The following PEMT variants were observed in gnomAD, a reference collection of about 807,000 sequenced individuals.
PEMT encodes the protein phosphatidylethanolamine N-methyltransferase.
Under a neutral mutation model 27.4 loss-of-function variants are expected in PEMT, and 23 were observed. That is an observed-to-expected ratio of 0.84 (90% CI 0.60 to 1.19). PEMT has a LOEUF of 1.19. PEMT is among the 50% of genes most tolerant of loss of function. PEMT has a pLI of 0.00. For missense variants in PEMT, 307 were observed against 310.1 expected (o/e 0.99, Z 0.07); for synonymous variants, 137 against 139.1 (o/e 0.98, Z 0.11).
intron 3 of PEMT, among the ~76,000 whole-genome samples, chr17:17,514,318 C>T (rs1349759097): frequency 5.9e-5 from 9 of 152,386 alleles, no homozygotes; most frequent in Non-Finnish European, 1.0e-4. Context: ...TCCTTCCCTG[C>T]GTATCCCCCC....
chr17:17,566,592 G>A lies in PEMT; in HGVS notation c.204+10328C>T, dbSNP rs555365485. ...CCAGCCATGTCTGCACAGAGCCAGG[G>A]CTCAGGGAAGCCAGGCTGGAAGAGC... On this transcript the variant is annotated intron_variant, in intron 2 of 6. Transcript: ENST00000255389. Among the ~76,000 whole-genome samples the A allele has an allele frequency of 9.1e-4, 139 of 152,356 alleles. 1 individual carries two copies. Among genetic ancestry groups the A allele is most frequent in the Non-Finnish European group, 1.6e-3 (107 of 68,030 alleles).
Position 17,512,726 on chromosome 17 carries a change from T to A in PEMT, c.321-72A>T. On this transcript the variant is annotated intron_variant, in intron 3 of 6. Transcript: ENST00000255389. This position sits in a 1 kb window ranked among gnomAD's most constrained non-coding sequence, Gnocchi z 6.3. ...GTCACAGCCCGGGAGGAGGCCGACC[T>A]CATCTTCTCGCCCTCTCCCCAGGGA... is the stretch of plus-strand genomic sequence containing the variant. 1 of 1,371,750 alleles carries A rather than the reference T, an allele frequency of 7.3e-7. No individual in the cohort carries two copies. The highest frequency in any genetic ancestry group is 2.9e-5 in the Admixed American group (1 of 34,158). The allele number at this position is 1,371,750 out of a possible 1,614,324, so 85.0% of individuals were successfully genotyped here.
chr17:17,521,318 G>A (rs1241708552), intron 3 of PEMT, among the ~76,000 whole-genome samples: 4 of 152,212 alleles, frequency 2.6e-5, no homozygotes, highest in Admixed American at 6.5e-5. Context: ...GGTACTGTGG[G>A]AGGTGAGACC....
intron 2 of PEMT, among the ~76,000 whole-genome samples, chr17:17,525,586 C>G (rs1270805145): frequency 6.6e-6 from 1 of 152,214 alleles, no homozygotes; most frequent in Non-Finnish European, 1.5e-5. Context: ...TGCCTGTCTT[C>G]TAGATTTCCA....
At chr17:17,591,927 C>A (rs1018592730), upstream of PEMT, 1 of 985,444 alleles carries the variant, frequency 1.0e-6, no homozygotes, top group Non-Finnish European at 1.2e-6. Flanking sequence ...CCGCCCAGTG[C>A]CTTTGGTCGC....
chr17:17,586,927 C>T (rs1285362613), intron 1 of PEMT, among the ~76,000 whole-genome samples: 12 of 151,974 alleles, frequency 7.9e-5, no homozygotes, highest in African/African-American at 1.4e-4. Context: ...TGCTTGAACC[C>T]GGGAGACGGA....
At chr17:17,545,225 C>G (rs1019423801) in intron 2 of PEMT, among the ~76,000 whole-genome samples, 12 of 152,188 alleles carry the variant, frequency 7.9e-5, no homozygotes, top group African/African-American at 2.4e-4. Context: ...CCTCACCCGC[C>G]CATGCAGGTC....
intron 2 of PEMT, among the ~76,000 whole-genome samples, chr17:17,562,083 G>A (rs977179719): frequency 2.6e-5 from 4 of 152,210 alleles, no homozygotes; most frequent in East Asian, 3.9e-4. Flanking sequence ...GCTGCAGCTC[G>A]GGGCTGTTTT....
intron 2 of PEMT, among the ~76,000 whole-genome samples, chr17:17,538,644 G>A (rs187822547): frequency 1.3e-5 from 2 of 152,300 alleles, no homozygotes; most frequent in Admixed American, 1.3e-4. Context: ...TAAATAGGGA[G>A]GCTTTCTACT....
chr17:17,553,471 C>T (rs74950281), intron 2 of PEMT, among the ~76,000 whole-genome samples: 2,270 of 152,320 alleles, frequency 0.015, 51 homozygotes, highest in African/African-American at 0.048. Context: ...AGCGGCCACC[C>T]GGGTCTGCTT....
At chr17:17,571,787 C>A (rs1911222102) in intron 2 of PEMT, among the ~76,000 whole-genome samples, 1 of 151,866 alleles carries the variant, frequency 6.6e-6, no homozygotes, top group South Asian at 2.1e-4. Flanking sequence ...CAACTCATGG[C>A]AGCCTCGACC....
intron 5 of PEMT, among the ~76,000 whole-genome samples, chr17:17,506,611 G>A (rs557173036): frequency 9.8e-5 from 15 of 152,362 alleles, no homozygotes; most frequent in Admixed American, 7.8e-4. Flanking sequence ...AGCTGGGAAC[G>A]CAGCCCCAGG....
At chr17:17,510,587 C>T (rs76026053) in intron 4 of PEMT, among the ~76,000 whole-genome samples, 1 of 152,178 alleles carries the variant, frequency 6.6e-6, no homozygotes, top group Non-Finnish European at 1.5e-5. Flanking sequence ...ACAGGGTGTG[C>T]GTAGATGGCA....
intron 1 of PEMT, among the ~76,000 whole-genome samples, chr17:17,587,607 A>C (rs1912383155): frequency 6.6e-6 from 1 of 152,184 alleles, no homozygotes; most frequent in Non-Finnish European, 1.5e-5. Flanking sequence ...CACCGCCTGT[A>C]ATCCCAGCAT....
intron 1 of PEMT, among the ~76,000 whole-genome samples, chr17:17,579,188 G>A (rs1486674566): frequency 6.6e-6 from 1 of 152,212 alleles, no homozygotes; most frequent in African/African-American, 2.4e-5. Context: ...ACAGTCTCCT[G>A]ACATAACTCT....
intron 2 of PEMT, among the ~76,000 whole-genome samples, chr17:17,537,140 GC>G (rs1248108756): frequency 1.3e-5 from 2 of 152,224 alleles, no homozygotes; most frequent in African/African-American, 4.8e-5. Flanking sequence ...GGGTCTCTGA[GC>G]CCTGCTTACA....
In PEMT at chr17:17,582,363, G is replaced by A; in HGVS notation, c.97-5336C>T. ...GTTAACACCCCAAAGCATGGGTAAGGAAGAGGCTTTATGGTAATTTACTCC... is the reference window on the plus strand; with the variant it reads ...GTTAACACCCCAAAGCATGGGTAAGAAAGAGGCTTTATGGTAATTTACTCC... On this transcript the variant is annotated intron_variant, in intron 1 of 6. Coordinates refer to ENST00000255389, the MANE Select transcript of PEMT (RefSeq NM_148172.3). The surrounding 1 kb of genome is among the most constrained non-coding windows in gnomAD (Gnocchi z 4.9). The A allele has an allele frequency of 1.0e-6, 1 of 985,456 alleles. No individual in the cohort carries two copies. The allele number at this position is 985,456 out of a possible 1,614,324, so 61.0% of individuals were successfully genotyped here. A position where few individuals can be genotyped will look rare whatever the true frequency, so the allele number is the denominator to read the frequency against.
chr17:17,586,986 G>C, intron 1 of PEMT, among the ~76,000 whole-genome samples: 1 of 152,032 alleles, frequency 6.6e-6, no homozygotes, highest in Non-Finnish European at 1.5e-5. Context: ...CTGGGCAACA[G>C]AGGAAGACTC....
At chr17:17,542,273 G>A (rs1050538744) in intron 2 of PEMT, among the ~76,000 whole-genome samples, 4 of 152,184 alleles carry the variant, frequency 2.6e-5, no homozygotes, top group Non-Finnish European at 4.4e-5. Flanking sequence ...GAGCCACTAC[G>A]CCTGGCCCAC....
Sources: allele counts gnomAD v4.1 joint callset (sites outside exome capture counted in the v4.1 genomes callset), GRCh38; gene constraint gnomAD v4.1.1; non-coding constraint Gnocchi (gnomAD v3.1); transcripts MANE v1.5; gene names NCBI Gene and HGNC (gene_info 2026-07-23, HGNC 2026-07-21).